The following ANKRD44 variants were observed in gnomAD, a reference collection of about 807,000 sequenced individuals.
ANKRD44 encodes ankyrin repeat domain 44.
A neutral mutation model predicts 116.0 loss-of-function variants in ANKRD44; 35 were observed. That is an observed-to-expected ratio of 0.30 (90% CI 0.23 to 0.40). The LOEUF is 0.40. Among genes scored for constraint, ANKRD44 ranks in the 10% least tolerant of loss-of-function variants. The pLI is 1.00. For synonymous variants in ANKRD44, 435 were observed against 461.8 expected (o/e 0.94, Z 0.74); for missense variants, 1,014 against 1,242.6 (o/e 0.82, Z 2.77).
At position 197,187,066 on chromosome 2, in the gene ANKRD44, T is replaced by G; in HGVS notation, c.68A>C (p.Glu23Ala). Reference sequence around the variant, plus strand: ...AGTTTTATGGATGAGCATCCGGATCTCCTCTGGATCACCGCTGAAGATTGC... The same window carrying G: ...AGTTTTATGGATGAGCATCCGGATCGCCTCTGGATCACCGCTGAAGATTGC... ...VQAIFSGDPE[E>A]IRMLIHKTED... The change falls in exon 2 of 28, where the codon GAG (glutamate) becomes GCG (alanine). Residue 23 changes from glutamate (E) to alanine (A), a missense_variant. By Grantham distance (107) the Glu-to-Ala change is moderately radical (BLOSUM62 -1). Coordinates refer to ENST00000282272, the MANE Select transcript of ANKRD44 (RefSeq NM_001195144.2). 1 of 1,614,170 alleles carries G rather than the reference T, an allele frequency of 6.2e-7. No homozygotes were observed. Among genetic ancestry groups the G allele is most frequent in the African/African-American group, 1.3e-5 (1 of 75,050 alleles).
At chr2:196,982,108 T>TTTTATATATATATATATATATATATG (rs150861089), downstream of ANKRD44, among the ~76,000 whole-genome samples, 2 of 96,550 alleles carry the variant, frequency 2.1e-5, no homozygotes, top group African/African-American at 7.4e-5. Flanking sequence ...CTAAAAAAAA[T>TTTTATATATATATATATATATATATG]TATATATATA....
At chr2:197,027,104 T>C (rs1252051114) in intron 16 of ANKRD44, among the ~76,000 whole-genome samples, 1 of 152,044 alleles carries the variant, frequency 6.6e-6, no homozygotes, top group Non-Finnish European at 1.5e-5. Flanking sequence ...CTCATGTCTG[T>C]AATCCCAGCA....
chr2:197,180,439 G>A (rs1029085566), intron 2 of ANKRD44, among the ~76,000 whole-genome samples: 5 of 152,094 alleles, frequency 3.3e-5, no homozygotes, highest in Non-Finnish European at 5.9e-5. Context: ...TTCATCACTC[G>A]TGATCACTGT....
chr2:197,273,983 ATATATATATATATATATATATATAT>A lies in ANKRD44; in HGVS notation c.27+36570_27+36594del, dbSNP rs2082993374. ...CACAAAAAAAAAAAAAAAAAAAAAT[ATATATATATATATATATATATATAT>A]ATATATATATATATATATATGAATC... On this transcript the variant is annotated intron_variant, in intron 1 of 27. Coordinates refer to ENST00000282272, the MANE Select transcript of ANKRD44 (RefSeq NM_001195144.2). Among the ~76,000 whole-genome samples the A allele has an allele frequency of 1.4e-4, 4 of 28,248 alleles. 1 individual carries two copies. Among genetic ancestry groups the A allele is most frequent in the South Asian group, 3.6e-3 (2 of 556 alleles). 18.5% of individuals were successfully genotyped at this position (28,248 alleles called of 152,430 possible).
chr2:197,255,969 C>A (rs890557316), intron 1 of ANKRD44, among the ~76,000 whole-genome samples: 1 of 152,226 alleles, frequency 6.6e-6, no homozygotes, highest in Non-Finnish European at 1.5e-5. Flanking sequence ...GAATCTTAAT[C>A]TATCTGGTCT....
chr2:197,182,759 G>A (rs2080543006), intron 2 of ANKRD44, among the ~76,000 whole-genome samples: 1 of 152,162 alleles, frequency 6.6e-6, no homozygotes, highest in Admixed American at 6.5e-5. Flanking sequence ...TCCCACGAAT[G>A]TTGTATTTTC....
At chr2:197,221,387 C>T (rs192384063) in intron 1 of ANKRD44, among the ~76,000 whole-genome samples, 240 of 152,252 alleles carry the variant, frequency 1.6e-3, no homozygotes, top group African/African-American at 4.9e-3. Flanking sequence ...AAGTGATCCT[C>T]CCACCTCAGC....
At chr2:197,249,639 C>T (rs1436036293) in intron 1 of ANKRD44, among the ~76,000 whole-genome samples, 1 of 152,154 alleles carries the variant, frequency 6.6e-6, no homozygotes, top group Non-Finnish European at 1.5e-5. Context: ...AAGCCATAAT[C>T]CTATCACAGC....
intron 2 of ANKRD44, among the ~76,000 whole-genome samples, chr2:197,150,794 G>A (rs976200176): frequency 6.6e-6 from 1 of 152,086 alleles, no homozygotes; most frequent in Non-Finnish European, 1.5e-5. Context: ...GGGGCTTGGG[G>A]CTTAACACTT....
intron 18 of ANKRD44, 152 bp downstream of exon 18, chr2:197,013,359 C>A: frequency 1.3e-5 from 11 of 868,350 alleles, no homozygotes; most frequent in Non-Finnish European, 1.8e-6. Flanking sequence ...GGATAGCAGG[C>A]CAAAAGCATT....
chr2:197,047,016 CAG>C (rs1344807217), intron 16 of ANKRD44, among the ~76,000 whole-genome samples: 1 of 119,692 alleles, frequency 8.4e-6, no homozygotes, highest in Non-Finnish European at 1.8e-5. Flanking sequence ...AATAAGGTAA[CAG>C]AATTACTTTT....
At chr2:197,151,161 C>T (rs553806300) in intron 2 of ANKRD44, among the ~76,000 whole-genome samples, 1 of 149,772 alleles carries the variant, frequency 6.7e-6, no homozygotes, top group East Asian at 1.9e-4. Flanking sequence ...ACCAATGATA[C>T]CCCTAAGGTC....
At chr2:197,099,408 A>G in intron 10 of ANKRD44, 1 of 587,052 alleles carries the variant, frequency 1.7e-6, no homozygotes. Flanking sequence ...CCTTCCCTAC[A>G]TAGCAGATTG....
rs191379005 is a variant in ANKRD44 at position 197,164,530 on chromosome 2, G to C, written c.112-17425C>G. On this transcript the variant is annotated intron_variant, in intron 2 of 27. Coordinates refer to ENST00000282272, the MANE Select transcript of ANKRD44 (RefSeq NM_001195144.2). ...CTTCCCCCACCGCAGCGGCTCCTGG[G>C]TGGGAAAGAAACAAAGGCCGGCTTC... 3.3e-5 allele frequency among the ~76,000 whole-genome samples: 5 copies of C among 152,334 alleles called. No individual in the cohort carries two copies. The East Asian group carries it at 9.7e-4, about 29-fold the overall frequency.
chr2:197,254,250 G>A lies in ANKRD44; in HGVS notation c.27+56328C>T, dbSNP rs567090740. On this transcript the variant is annotated intron_variant, in intron 1 of 27. Transcript: ENST00000282272. ...TCTACTAAAAATACAAAAATTAGCCGGGCGTGGCGGTGGGTGCCTGTAATC... is the reference window on the plus strand; with the variant it reads ...TCTACTAAAAATACAAAAATTAGCCAGGCGTGGCGGTGGGTGCCTGTAATC... 3.9e-5 allele frequency among the ~76,000 whole-genome samples: 6 copies of A among 152,164 alleles called. No homozygotes were observed. The East Asian group carries it at 5.8e-4, about 15-fold the overall frequency.
At chr2:197,062,031 T>C (rs2077326318) in intron 16 of ANKRD44, among the ~76,000 whole-genome samples, 1 of 152,218 alleles carries the variant, frequency 6.6e-6, no homozygotes, top group African/African-American at 2.4e-5. Context: ...TCCACCCGCC[T>C]CGGCCTCCCA....
Position 197,229,012 on chromosome 2 carries a change from G to T in ANKRD44, c.28-41906C>A, listed in dbSNP as rs187169228. Among the ~76,000 whole-genome samples the T allele has an allele frequency of 5.4e-3, 819 of 152,340 alleles. 7 individuals are homozygous for T. Among genetic ancestry groups the T allele is most frequent in the African/African-American group, 0.019 (770 of 41,570 alleles). ...ATTGTGCCATTGCACTCCAGCCTGG[G>T]CAACAAGAGTAAAAATCTATCACAC... On this transcript the variant is annotated intron_variant, in intron 1 of 27. Coordinates refer to ENST00000282272, the MANE Select transcript of ANKRD44 (RefSeq NM_001195144.2).
At chr2:197,282,172 G>C (rs2083285123) in intron 1 of ANKRD44, among the ~76,000 whole-genome samples, 1 of 152,160 alleles carries the variant, frequency 6.6e-6, no homozygotes, top group East Asian at 1.9e-4. Flanking sequence ...AGAATGGCGT[G>C]AACCTGGGAG....
chr2:197,012,870 T>C (rs989134745), intron 18 of ANKRD44, among the ~76,000 whole-genome samples: 1 of 152,260 alleles, frequency 6.6e-6, no homozygotes, highest in Non-Finnish European at 1.5e-5. Flanking sequence ...ATGCCTTAGC[T>C]GAGCTAGAGA....
Sources: allele counts gnomAD v4.1 joint callset (sites outside exome capture counted in the v4.1 genomes callset), GRCh38; gene constraint gnomAD v4.1.1; transcripts MANE v1.5; gene names NCBI Gene and HGNC (gene_info 2026-07-23, HGNC 2026-07-21).